The following SPRY3 variants were observed in gnomAD, a reference collection of about 807,000 sequenced individuals.
SPRY3 encodes the protein protein sprouty homolog 3.
A neutral mutation model predicts 20.2 loss-of-function variants in SPRY3; 15 were observed. The observed-to-expected ratio is 0.74, with a 90% confidence interval of 0.50 to 1.14. The LOEUF is 1.14. Ranked by LOEUF, SPRY3 falls within the 50% of genes most tolerant of loss-of-function variation. SPRY3 has a pLI of 0.00. For synonymous variants in SPRY3, 143 were observed against 136.5 expected (o/e 1.05, Z -0.33); for missense variants, 364 against 363.9 (o/e 1.00, Z 0.00).
intron 2 of SPRY3, among the ~76,000 whole-genome samples, chrX:155,758,852 C>T (rs1232927253): frequency 3.9e-5 from 6 of 152,114 alleles, no homozygotes; most frequent in Admixed American, 3.9e-4. Flanking sequence ...TAATCTATTT[C>T]CACTTGCTAC....
At chrX:155,692,173 TGGGTACAGCTTTATATTTTACATTTAGC>T (rs1569562642) in intron 2 of SPRY3, among the ~76,000 whole-genome samples, 3 of 109,265 alleles carry the variant, frequency 2.7e-5, no homozygotes, top group African/African-American at 1.0e-4. Context: ...GAATAGTAAA[TGGGTACAGCTTTATATTTTACATTTAGC>T]TCCCTGGTTG....
At chrX:155,765,226 C>G (rs2091320168) in intron 2 of SPRY3, among the ~76,000 whole-genome samples, 2 of 152,042 alleles carry the variant, frequency 1.3e-5, no homozygotes, top group Admixed American at 6.6e-5. Flanking sequence ...ACAAAAATCC[C>G]TGAAGGGATT....
At chrX:155,756,111 C>T (rs971576263) in intron 2 of SPRY3, among the ~76,000 whole-genome samples, 2 of 152,002 alleles carry the variant, frequency 1.3e-5, no homozygotes, top group African/African-American at 4.8e-5. Flanking sequence ...TGAAAATAAA[C>T]TGCTCCCAGA....
chrX:155,772,483 G>T (rs902195329), intron 3 of SPRY3, among the ~76,000 whole-genome samples: 69 of 152,096 alleles, frequency 4.5e-4, no homozygotes, highest in Non-Finnish European at 9.4e-4. Flanking sequence ...GATCTATTTT[G>T]AGAAGGCCTG....
intron 2 of SPRY3, among the ~76,000 whole-genome samples, chrX:155,759,718 T>C (rs1169787110): frequency 6.6e-6 from 1 of 152,202 alleles, no homozygotes; most frequent in Non-Finnish European, 1.5e-5. Context: ...TATTACCATA[T>C]GATGACGGCA....
intron 2 of SPRY3, among the ~76,000 whole-genome samples, chrX:155,703,680 C>T (rs113392723): frequency 0.022 from 3,159 of 145,610 alleles, 9 homozygotes; most frequent in Non-Finnish European, 0.035. Context: ...TTTGCTCTTG[C>T]TTTTCTAGTT....
At chrX:155,759,048 C>T (rs1276679890) in intron 2 of SPRY3, among the ~76,000 whole-genome samples, 15 of 151,648 alleles carry the variant, frequency 9.9e-5, no homozygotes, top group Admixed American at 3.3e-4. Flanking sequence ...CGTTTCTCTG[C>T]TCTCAATGGA....
chrX:155,779,538 C>T (rs1258072252), downstream of SPRY3: 1 of 166,904 alleles, frequency 6.0e-6, no homozygotes, highest in African/African-American at 2.4e-5. Flanking sequence ...AAATATCTTT[C>T]TTCTTAATAT....
chrX:155,725,108 T>A (rs2091088444), intron 2 of SPRY3, among the ~76,000 whole-genome samples: 1 of 152,202 alleles, frequency 6.6e-6, no homozygotes, highest in South Asian at 2.1e-4. Context: ...TCCATTTACG[T>A]GATGGATTAC....
chrX:155,755,640 A>T (rs776976421), intron 2 of SPRY3, among the ~76,000 whole-genome samples: 22 of 152,238 alleles, frequency 1.4e-4, no homozygotes, highest in African/African-American at 5.1e-4. Flanking sequence ...AAATGCAAGG[A>T]TGTCATTAAT....
intron 2 of SPRY3, among the ~76,000 whole-genome samples, chrX:155,716,263 A>G (rs977975909): frequency 6.6e-6 from 1 of 152,132 alleles, no homozygotes; most frequent in Non-Finnish European, 1.5e-5. Flanking sequence ...TGTGGAACCC[A>G]TTTACAGCAG....
At chrX:155,614,527 A>T (rs2067844264) in intron 1 of SPRY3, among the ~76,000 whole-genome samples, 2 of 111,450 alleles carry the variant, frequency 1.8e-5, no homozygotes, top group Admixed American at 9.5e-5. Context: ...TGTTTGTTTT[A>T]TATCAAACAC....
chrX:155,672,928 A>G (rs1260397249), intron 2 of SPRY3, among the ~76,000 whole-genome samples: 1 of 105,976 alleles, frequency 9.4e-6, no homozygotes, highest in Non-Finnish European at 1.9e-5. Flanking sequence ...ACATGGATGA[A>G]ATTGGAAATC....
intron 2 of SPRY3, among the ~76,000 whole-genome samples, chrX:155,737,010 G>GT (rs961790636): frequency 2.6e-5 from 4 of 151,850 alleles, no homozygotes; most frequent in Admixed American, 1.3e-4. Context: ...ATGTAATAGT[G>GT]TTTTTTTGTT....
chrX:155,684,787 A>G (rs1184615078), intron 2 of SPRY3, among the ~76,000 whole-genome samples: 1 of 111,160 alleles, frequency 9.0e-6, no homozygotes, highest in Non-Finnish European at 1.9e-5. Context: ...TTTTTTAGCA[A>G]TTCTCTGAAA....
At chrX:155,634,085 A>T (rs2067915998) in intron 1 of SPRY3, among the ~76,000 whole-genome samples, 1 of 110,894 alleles carries the variant, frequency 9.0e-6, no homozygotes, top group African/African-American at 3.3e-5. Flanking sequence ...ATCAAAAAAA[A>T]AAAAAATCAG....
chrX:155,751,117 G>A (rs1486989142), intron 2 of SPRY3, among the ~76,000 whole-genome samples: 1 of 151,748 alleles, frequency 6.6e-6, no homozygotes. Context: ...GTTGGAATTG[G>A]GGCATTAGAA....
At chrX:155,707,563 T>A (rs1472263054) in intron 2 of SPRY3, among the ~76,000 whole-genome samples, 6 of 151,278 alleles carry the variant, frequency 4.0e-5, no homozygotes, top group Non-Finnish European at 7.4e-5. Context: ...ATTTTTGAAA[T>A]CTCTGCTGCT....
At chrX:155,753,179 T>A (rs1368871484) in intron 2 of SPRY3, among the ~76,000 whole-genome samples, 1 of 151,902 alleles carries the variant, frequency 6.6e-6, no homozygotes, top group Non-Finnish European at 1.5e-5. Flanking sequence ...GTTGTACAAC[T>A]ATCACCACTA....
Sources: gnomAD v4.1 joint callset for allele counts (sites outside exome capture counted in the v4.1 genomes callset) on GRCh38, gnomAD v4.1.1 for gene constraint, MANE v1.5 for transcripts, NCBI Gene and HGNC (gene_info 2026-07-23, HGNC 2026-07-21) for gene names.